Variants in CDC42BPB observed in about 807,000 individuals in gnomAD.
CDC42BPB encodes the protein CDC42 binding protein kinase beta, also known as serine/threonine-protein kinase MRCK beta.
In CDC42BPB, 37 loss-of-function variants were observed where a neutral mutation model predicts 214.9. The observed-to-expected ratio is 0.17, with a 90% confidence interval of 0.13 to 0.23. CDC42BPB has a LOEUF of 0.23. Ranked by LOEUF, CDC42BPB falls within the 10% of genes least tolerant of loss-of-function variation. CDC42BPB has a pLI of 1.00. For missense variants in CDC42BPB, 1,694 were observed against 2,227.0 expected, an observed-to-expected ratio of 0.76 and a Z score of 4.82; for synonymous variants, 931 against 884.0, an observed-to-expected ratio of 1.05 and a Z score of -0.94.
intron 36 of CDC42BPB, 174 bp from the exon 37 acceptor site, chr14:102,934,017 C>G: frequency 4.4e-6 from 6 of 1,360,654 alleles, no homozygotes; most frequent in Non-Finnish European, 5.6e-6. Flanking sequence ...CTTAGGCGTG[C>G]TGGTGAGAGT....
At chr14:102,970,478 T>A in intron 13 of CDC42BPB, 1 of 542,188 alleles carries the variant, frequency 1.8e-6, no homozygotes, top group Non-Finnish European at 2.4e-6. Flanking sequence ...AATTCTAGCT[T>A]AAATTGACAC....
At chr14:103,012,924 T>C (rs957616814) in intron 1 of CDC42BPB, among the ~76,000 whole-genome samples, 13 of 152,254 alleles carry the variant, frequency 8.5e-5, no homozygotes, top group African/African-American at 3.1e-4. Context: ...TTGTGCCACA[T>C]GGCCTAGGTG....
At chr14:102,962,408 C>T (rs1378485886) in intron 20 of CDC42BPB, among the ~76,000 whole-genome samples, 3 of 152,260 alleles carry the variant, frequency 2.0e-5, no homozygotes, top group Non-Finnish European at 4.4e-5. Flanking sequence ...TAAACCATCC[C>T]AGTGGCTGGC....
At chr14:102,942,492 G>A (rs561397088) in intron 30 of CDC42BPB, among the ~76,000 whole-genome samples, 1 of 152,324 alleles carries the variant, frequency 6.6e-6, no homozygotes, top group African/African-American at 2.4e-5. Context: ...CTTGATCTGT[G>A]GATTTGATGG....
At chr14:102,989,116 C>G (rs1047762278) in intron 5 of CDC42BPB, among the ~76,000 whole-genome samples, 1 of 151,890 alleles carries the variant, frequency 6.6e-6, no homozygotes, top group African/African-American at 2.4e-5. Context: ...AGGGTAAAAC[C>G]AATGAAAAAA....
At chr14:102,999,371 CAAT>C (rs1420062627) in intron 5 of CDC42BPB, among the ~76,000 whole-genome samples, 191 bp downstream of exon 5, 1 of 152,114 alleles carries the variant, frequency 6.6e-6, no homozygotes, top group Non-Finnish European at 1.5e-5. Flanking sequence ...ACAACTGCAA[CAAT>C]GAGAGCTGGG....
chr14:102,977,083 T>C (rs1201175075), intron 9 of CDC42BPB, among the ~76,000 whole-genome samples: 1 of 152,100 alleles, frequency 6.6e-6, no homozygotes, highest in African/African-American at 2.4e-5. Flanking sequence ...GGCTCACGCC[T>C]GTAATCCTGA....
Position 102,938,395 on chromosome 14 carries a change from G to T in CDC42BPB, c.4844C>A (p.Ser1615Tyr), listed in dbSNP as rs1280778797. ...AGCGGGGCCCGGCCTTTCCTCCTGG[G>T]AGGGGGGCACAGCACTCTGGGCAGA... ...MDLPLSAVPPSQEERPGPAPT... is the reference protein window; with the variant it reads ...MDLPLSAVPPYQEERPGPAPT... Residue 1615 changes from serine (S) to tyrosine (Y), a missense_variant, in exon 35 of 37, where the codon TCC becomes TAC. Ser to Tyr is a moderately radical substitution (Grantham distance 144). This residue lies in a region of CDC42BPB where 146 missense variants were observed against 134.1 expected (regional missense o/e 1.09). Transcript: ENST00000361246. The T allele has an allele frequency of 1.9e-6, 3 of 1,552,014 alleles. No homozygotes were observed. Among genetic ancestry groups the T allele is most frequent in the East Asian group, 2.2e-5 (1 of 44,554 alleles).
intron 3 of CDC42BPB, among the ~76,000 whole-genome samples, chr14:103,008,197 G>A (rs370920836): frequency 2.0e-5 from 3 of 152,202 alleles, no homozygotes; most frequent in East Asian, 1.9e-4. Flanking sequence ...CTCTCCCGAT[G>A]CTTTTTATTT....
rs1288918735 is a variant in CDC42BPB at position 102,943,824 on chromosome 14, C to T, written c.4408+67G>A. ...ACTGGAAGACAAACCAAAGCAAAAT[C>T]GAACACATGCTGACTGTCGGTGGGA... is the stretch of plus-strand genomic sequence containing the variant. On this transcript the variant is annotated intron_variant, in intron 30 of 36. Coordinates refer to ENST00000361246, the MANE Select transcript of CDC42BPB (RefSeq NM_006035.4). The surrounding 1 kb of genome is among the most constrained non-coding windows in gnomAD (Gnocchi z 4.6). The T allele has an allele frequency of 2.8e-6, 4 of 1,447,878 alleles. No individual in the cohort carries two copies. Among genetic ancestry groups the T allele is most frequent in the East Asian group, 2.3e-5 (1 of 43,822 alleles). The allele number at this position is 1,447,878 out of a possible 1,614,324, so 89.7% of individuals were successfully genotyped here.
intron 11 of CDC42BPB, among the ~76,000 whole-genome samples, chr14:102,974,979 T>G (rs767357206): frequency 2.6e-5 from 4 of 151,916 alleles, no homozygotes; most frequent in African/African-American, 4.8e-5. Context: ...AAAAACTGAT[T>G]GGAGCTTTTA....
At chr14:102,954,341 G>A (rs979607029) in intron 22 of CDC42BPB, 66 bp from the exon 23 acceptor site, 7 of 1,437,646 alleles carry the variant, frequency 4.9e-6, no homozygotes, top group East Asian at 5.0e-5. Context: ...CTGGCCCTAC[G>A]GGGTGCACTT....
intron 1 of CDC42BPB, chr14:103,041,818 G>A (rs2139749522): frequency 4.8e-6 from 2 of 413,274 alleles, no homozygotes; most frequent in Non-Finnish European, 9.4e-6. Flanking sequence ...GCGGCTGAAG[G>A]AGCACCACTC....
At chr14:103,025,398 T>G (rs1886993322) in intron 1 of CDC42BPB, among the ~76,000 whole-genome samples, 1 of 151,604 alleles carries the variant, frequency 6.6e-6, no homozygotes, top group Non-Finnish European at 1.5e-5. Context: ...CACACAAGAA[T>G]GTTCAAAGCA....
At chr14:102,989,782 C>T (rs768717444) in intron 5 of CDC42BPB, among the ~76,000 whole-genome samples, 2 of 151,798 alleles carry the variant, frequency 1.3e-5, no homozygotes, top group African/African-American at 4.8e-5. Context: ...TCACTTGAAC[C>T]CAGGAGGCAG....
Position 102,983,540 on chromosome 14 carries a change from AAAT to A in CDC42BPB, c.891+13_891+15del. 1 of 1,595,014 alleles carries A rather than the reference AAAT, an allele frequency of 6.3e-7. No individual in the cohort carries two copies. The highest frequency in any genetic ancestry group is 8.5e-7 in the Non-Finnish European group (1 of 1,178,350). On this transcript the variant is annotated intron_variant, in intron 7 of 36. Transcript: ENST00000361246. ...GAGCCAGGTACCAAAAAAAAAAAAA[AAAT>A]GCAACGTCTTACTTCATGGTTCATG...
At chr14:103,028,636 A>G (rs2139696015) in intron 1 of CDC42BPB, among the ~76,000 whole-genome samples, 1 of 152,338 alleles carries the variant, frequency 6.6e-6, no homozygotes, top group Middle Eastern at 3.4e-3. Flanking sequence ...CTGGCGCTCA[A>G]CAGGTGCATG....
chr14:103,001,020 G>C lies in CDC42BPB; in HGVS notation c.448-1307C>G, dbSNP rs1894954068. ...CTTGTCTGAGGAAGGGAGCGGCCCAGCTAATCAGAGGAAACGACAGAAGCC... is the reference window on the plus strand; with the variant it reads ...CTTGTCTGAGGAAGGGAGCGGCCCACCTAATCAGAGGAAACGACAGAAGCC... On this transcript the variant is annotated intron_variant, in intron 4 of 36. Coordinates refer to ENST00000361246, the MANE Select transcript of CDC42BPB (RefSeq NM_006035.4). The surrounding 1 kb of genome is among the most constrained non-coding windows in gnomAD (Gnocchi z 5.8). Among the ~76,000 whole-genome samples, 1 of 152,198 alleles carries C rather than the reference G, an allele frequency of 6.6e-6. No homozygotes were observed. The highest frequency in any genetic ancestry group is 2.1e-4 in the South Asian group (1 of 4,832).
chr14:102,971,366 T>G (rs947875694), intron 13 of CDC42BPB, among the ~76,000 whole-genome samples: 13 of 152,280 alleles, frequency 8.5e-5, no homozygotes, highest in African/African-American at 2.4e-5. Flanking sequence ...TGTTGAGAGC[T>G]GTAGCCTACA....
Sources: allele counts gnomAD v4.1 joint callset (sites outside exome capture counted in the v4.1 genomes callset), GRCh38; gene constraint gnomAD v4.1.1; regional missense constraint gnomAD v4.1.1; non-coding constraint Gnocchi (gnomAD v3.1); transcripts MANE v1.5; gene names NCBI Gene and HGNC (gene_info 2026-07-23, HGNC 2026-07-21).